Variants in KHDRBS3 observed in about 807,000 individuals in gnomAD.
KHDRBS3 encodes the protein KH domain-containing, RNA-binding, signal transduction-associated protein 3.
KHDRBS3 carries 23 observed loss-of-function variants against 45.6 expected under a neutral mutation model. That is an observed-to-expected ratio of 0.50 (90% CI 0.36 to 0.72). The LOEUF is 0.72. KHDRBS3 is among the 30% of genes least tolerant of loss of function. KHDRBS3 has a pLI of 0.00. For synonymous variants in KHDRBS3, 162 were observed against 156.5 expected, an observed-to-expected ratio of 1.04 and a Z score of -0.26; for missense variants, 352 against 424.8, an observed-to-expected ratio of 0.83 and a Z score of 1.51.
chr8:135,460,667 T>C, intron 1 of KHDRBS3, among the ~76,000 whole-genome samples: 1 of 152,222 alleles, frequency 6.6e-6, no homozygotes, highest in Non-Finnish European at 1.5e-5. Flanking sequence ...CTTTAGGAAG[T>C]TTATCCTGAT....
chr8:135,646,353 G>A (rs544254637), intron 8 of KHDRBS3, among the ~76,000 whole-genome samples: 9 of 152,154 alleles, frequency 5.9e-5, no homozygotes, highest in Non-Finnish European at 1.2e-4. Context: ...CCTTTGTTCA[G>A]TACGGATTTA....
intron 5 of KHDRBS3, among the ~76,000 whole-genome samples, chr8:135,572,310 C>T (rs2130888908): frequency 6.6e-6 from 1 of 152,302 alleles, no homozygotes; most frequent in South Asian, 2.1e-4. Flanking sequence ...AAAAATAACT[C>T]TCTTGCACTT....
chr8:135,527,162 G>C (rs1263331669), intron 2 of KHDRBS3, among the ~76,000 whole-genome samples: 7 of 152,170 alleles, frequency 4.6e-5, no homozygotes, highest in Non-Finnish European at 1.0e-4. Flanking sequence ...CTCTGAGCCA[G>C]ACATTGTTCT....
chr8:135,571,578 C>T (rs1827704117), intron 5 of KHDRBS3, among the ~76,000 whole-genome samples: 1 of 151,980 alleles, frequency 6.6e-6, no homozygotes, highest in Admixed American at 6.6e-5. Context: ...GAAAAGAGTG[C>T]CATGAAAATA....
chr8:135,507,554 C>T (rs533441710), intron 1 of KHDRBS3, among the ~76,000 whole-genome samples: 16 of 151,836 alleles, frequency 1.1e-4, no homozygotes, highest in Admixed American at 3.9e-4. Context: ...TTTTTTTTAA[C>T]GAAATCCCTA....
chr8:135,577,794 G>A (rs1380634697), intron 5 of KHDRBS3, among the ~76,000 whole-genome samples: 1 of 152,166 alleles, frequency 6.6e-6, no homozygotes, highest in Non-Finnish European at 1.5e-5. Context: ...ATAAGGCTAT[G>A]TTTAGCTTTG....
chr8:135,580,844 C>T (rs1828171787), intron 5 of KHDRBS3, among the ~76,000 whole-genome samples: 1 of 152,092 alleles, frequency 6.6e-6, no homozygotes, highest in South Asian at 2.1e-4. Flanking sequence ...AACTCTTGGC[C>T]TCAGGTGATC....
chr8:135,624,117 A>T (rs1411162005), intron 7 of KHDRBS3, among the ~76,000 whole-genome samples: 1 of 152,228 alleles, frequency 6.6e-6, no homozygotes, highest in African/African-American at 2.4e-5. Context: ...AGTGGACAGC[A>T]GATACCGAAA....
At chr8:135,624,035 T>G (rs1830258605) in intron 7 of KHDRBS3, among the ~76,000 whole-genome samples, 1 of 152,182 alleles carries the variant, frequency 6.6e-6, no homozygotes, top group South Asian at 2.1e-4. Context: ...CAAAAGAAAA[T>G]TAACATTTAG....
chr8:135,568,418 G>GA (rs34250239), intron 5 of KHDRBS3, among the ~76,000 whole-genome samples: 9 of 151,570 alleles, frequency 5.9e-5, no homozygotes, highest in Admixed American at 4.6e-4. Flanking sequence ...CTAAATGAGT[G>GA]AAAAAAAATG....
intron 1 of KHDRBS3, among the ~76,000 whole-genome samples, chr8:135,506,584 A>G (rs894016002): frequency 1.3e-5 from 2 of 151,874 alleles, no homozygotes; most frequent in Non-Finnish European, 2.9e-5. Context: ...TTGTATTTTT[A>G]GTAGAGACGG....
At chr8:135,636,885 A>AG (rs1830836658) in intron 7 of KHDRBS3, among the ~76,000 whole-genome samples, 1 of 152,192 alleles carries the variant, frequency 6.6e-6, no homozygotes, top group Non-Finnish European at 1.5e-5. Flanking sequence ...TAATGTATTT[A>AG]CTCTGAACAC....
chr8:135,521,174 C>T, intron 1 of KHDRBS3, 63 bp from the exon 2 acceptor site: 1 of 957,928 alleles, frequency 1.0e-6, no homozygotes, highest in East Asian at 2.4e-5. Flanking sequence ...CAGAGCTAAC[C>T]AGAACACCCA....
intron 1 of KHDRBS3, among the ~76,000 whole-genome samples, chr8:135,520,714 A>T (rs943268009): frequency 6.6e-6 from 1 of 152,202 alleles, no homozygotes; most frequent in Admixed American, 6.5e-5. Context: ...GCATTAGTAA[A>T]GACATTAGCA....
chr8:135,492,801 A>T (rs888879665), intron 1 of KHDRBS3, among the ~76,000 whole-genome samples: 3 of 152,066 alleles, frequency 2.0e-5, no homozygotes, highest in Admixed American at 1.3e-4. Context: ...TGTATGCAAG[A>T]TCCTTTTGCA....
chr8:135,552,651 A>AT (rs1238426904), intron 4 of KHDRBS3, among the ~76,000 whole-genome samples: 15 of 151,658 alleles, frequency 9.9e-5, no homozygotes, highest in Admixed American at 4.6e-4. Context: ...GTGTTTTTTA[A>AT]TTTTTTTTAT....
At chr8:135,633,916 T>G (rs920459858) in intron 7 of KHDRBS3, among the ~76,000 whole-genome samples, 1 of 152,212 alleles carries the variant, frequency 6.6e-6, no homozygotes, top group Non-Finnish European at 1.5e-5. Context: ...TAGAGTTCAC[T>G]CTTGGTGTTG....
At chr8:135,464,387 A>G (rs1446878231) in intron 1 of KHDRBS3, among the ~76,000 whole-genome samples, 3 of 152,238 alleles carry the variant, frequency 2.0e-5, no homozygotes, top group Non-Finnish European at 4.4e-5. Context: ...AAAATATTCC[A>G]TATAGAAAGC....
At chr8:135,488,988 AT>A (rs1823004633) in intron 1 of KHDRBS3, among the ~76,000 whole-genome samples, 1 of 152,140 alleles carries the variant, frequency 6.6e-6, no homozygotes, top group Non-Finnish European at 1.5e-5. Context: ...AGCCTTCTGT[AT>A]TTTTCTGAAA....
Sources: allele counts gnomAD v4.1 joint callset (sites outside exome capture counted in the v4.1 genomes callset), GRCh38; gene constraint gnomAD v4.1.1; transcripts MANE v1.5; gene names NCBI Gene and HGNC (gene_info 2026-07-23, HGNC 2026-07-21).